Variants in TOPBP1 observed in about 807,000 individuals in gnomAD.
TOPBP1 encodes the protein DNA topoisomerase 2-binding protein 1.
Under a neutral mutation model 167.7 loss-of-function variants are expected in TOPBP1, and 28 were observed. The ratio of observed to expected loss-of-function variants is 0.17; its 90% CI spans 0.12 to 0.23. The LOEUF is 0.23. Ranked by LOEUF, TOPBP1 falls within the 10% of genes least tolerant of loss-of-function variation. The probability of loss-of-function intolerance (pLI) is 1.00; values close to 1 mark genes in which losing one functional copy is unlikely to be tolerated. For synonymous variants in TOPBP1, 598 were observed against 611.4 expected (o/e 0.98, Z 0.32); for missense variants, 1,554 against 1,809.6 (o/e 0.86, Z 2.56).
intron 16 of TOPBP1, among the ~76,000 whole-genome samples, chr3:133,627,354 C>T (rs1189725232): frequency 6.6e-6 from 1 of 152,034 alleles, no homozygotes; most frequent in African/African-American, 2.4e-5. Context: ...CCTTGTAGGG[C>T]TACTATGAGA....
Position 133,657,890 on chromosome 3 carries a change from G to A in TOPBP1, c.271C>T (p.Gln91Ter). 1 of 1,598,478 alleles carries A rather than the reference G, an allele frequency of 6.3e-7. No individual in the cohort carries two copies. The highest frequency in any genetic ancestry group is 1.1e-5 in the South Asian group (1 of 88,514). The change falls in exon 4 of 28, where the codon CAG becomes TAG. Residue 91 changes from glutamine to a stop codon, truncating the protein, a stop_gained. Coordinates refer to ENST00000260810, the MANE Select transcript of TOPBP1 (RefSeq NM_007027.4). LOFTEE classifies it high-confidence loss of function. ...TGTTCGGCTCTTGGGACACATCGCT[G>A]GTGGTGCATACAAAATATGACTACT... is the stretch of plus-strand genomic sequence containing the variant. ...PQVVIFCMHH[Q>*]RCVPRAEHPV...
At chr3:133,612,937 G>C (rs1490392016) in intron 23 of TOPBP1, among the ~76,000 whole-genome samples, 3 of 151,978 alleles carry the variant, frequency 2.0e-5, no homozygotes, top group Non-Finnish European at 4.4e-5. Flanking sequence ...GCATGATCTT[G>C]GCTCACCACA....
At chr3:133,631,443 T>C (rs1254453989) in intron 14 of TOPBP1, among the ~76,000 whole-genome samples, 2 of 152,334 alleles carry the variant, frequency 1.3e-5, no homozygotes, top group Admixed American at 1.3e-4. Context: ...CCTGCAATTA[T>C]ACTTTTCAGA....
chr3:133,618,099 A>G (rs1029738031), intron 21 of TOPBP1, 114 bp downstream of exon 21: 1 of 857,102 alleles, frequency 1.2e-6, no homozygotes, highest in Non-Finnish European at 1.8e-6. Flanking sequence ...ATATCTACGA[A>G]GTTTTTTTTG....
intron 8 of TOPBP1, among the ~76,000 whole-genome samples, chr3:133,651,439 T>C (rs2107827444): frequency 6.6e-6 from 1 of 152,138 alleles, no homozygotes; most frequent in South Asian, 2.1e-4. Flanking sequence ...TCTGCCCACC[T>C]TGGCCTCCCA....
chr3:133,622,891 A>G (rs1487283904), intron 19 of TOPBP1, among the ~76,000 whole-genome samples, 200 bp downstream of exon 19: 1 of 152,112 alleles, frequency 6.6e-6, no homozygotes, highest in Non-Finnish European at 1.5e-5. Context: ...CCACAAATCA[A>G]TCCTCTAATA....
At chr3:133,604,637 C>T (rs944546190) in intron 27 of TOPBP1, among the ~76,000 whole-genome samples, 3 of 151,694 alleles carry the variant, frequency 2.0e-5, no homozygotes, top group African/African-American at 7.3e-5. Context: ...AAGAAAACTC[C>T]AGGCCGGGTG....
intron 27 of TOPBP1, among the ~76,000 whole-genome samples, chr3:133,605,789 A>G (rs1934470878): frequency 6.6e-6 from 1 of 152,216 alleles, no homozygotes; most frequent in Admixed American, 6.5e-5. Context: ...AAGAAATAAA[A>G]GGCATAAAGA....
intron 1 of TOPBP1, among the ~76,000 whole-genome samples, chr3:133,661,545 T>C (rs1435230954): frequency 6.6e-6 from 1 of 152,246 alleles, no homozygotes. Flanking sequence ...CCAGTTAGCA[T>C]GGTCTTGGCC....
chr3:133,610,461 T>G (rs1027366911), intron 25 of TOPBP1, among the ~76,000 whole-genome samples: 1 of 152,046 alleles, frequency 6.6e-6, no homozygotes, highest in Non-Finnish European at 1.5e-5. Context: ...ACTAAAGTAC[T>G]GATGAACACA....
intron 27 of TOPBP1, among the ~76,000 whole-genome samples, chr3:133,602,471 T>G (rs1267081180): frequency 6.6e-6 from 1 of 152,212 alleles, no homozygotes; most frequent in African/African-American, 2.4e-5. Context: ...CTGGTATACA[T>G]GAGGGTAATT....
Position 133,643,982 on chromosome 3 carries a change from C to T in TOPBP1, c.1848+38G>A, listed in dbSNP as rs200682456. 7.7e-5 allele frequency: 117 copies of T among 1,523,424 alleles called. No homozygotes were observed. In the African/African-American group the frequency reaches 1.5e-3, roughly 20 times the overall value. 94.4% of individuals were successfully genotyped at this position (1,523,424 alleles called of 1,614,324 possible). A position where few individuals can be genotyped will look rare whatever the true frequency, so the allele number is the denominator to read the frequency against. ...ATTAACCTTCTTGGCATTCAGATATCCTTCGATACTTTATTTCAACCACTA... is the reference window on the plus strand; with the variant it reads ...ATTAACCTTCTTGGCATTCAGATATTCTTCGATACTTTATTTCAACCACTA... On this transcript the variant is annotated intron_variant, in intron 11 of 27. Coordinates refer to ENST00000260810, the MANE Select transcript of TOPBP1 (RefSeq NM_007027.4).
intron 22 of TOPBP1, 37 bp downstream of exon 22, chr3:133,617,123 T>A: frequency 6.4e-7 from 1 of 1,562,806 alleles, no homozygotes; most frequent in Non-Finnish European, 8.6e-7. Context: ...AACAGCAGTA[T>A]GCAAAAGCTG....
chr3:133,606,215 T>G (rs934422660), intron 27 of TOPBP1, among the ~76,000 whole-genome samples: 1 of 152,072 alleles, frequency 6.6e-6, no homozygotes, highest in African/African-American at 2.4e-5. Context: ...ATATACAAAA[T>G]TTATATTCTT....
intron 24 of TOPBP1, among the ~76,000 whole-genome samples, chr3:133,611,509 T>A (rs533905276): frequency 1.3e-5 from 2 of 152,320 alleles, no homozygotes; most frequent in African/African-American, 4.8e-5. Flanking sequence ...GATAACTTGA[T>A]TATCTGTCTA....
In TOPBP1 at chr3:133,640,641, G is replaced by A. The variant is rs578033734; in HGVS notation, c.2022-471C>T. Among the ~76,000 whole-genome samples the A allele has an allele frequency of 6.6e-5, 10 of 152,076 alleles. No individual in the cohort carries two copies. In the East Asian group the frequency reaches 1.9e-3, roughly 29 times the overall value. On this transcript the variant is annotated intron_variant, in intron 12 of 27. Transcript: ENST00000260810. ...GCCTAGCCTGGTCTCGAACTCCTGA[G>A]CTCAAGTGATCCTCCTGCCTCAGCC...
rs1444601 is a variant in TOPBP1 at position 133,611,099 on chromosome 3, G to A, written c.4078C>T (p.Leu1360=). The part of the protein sequence containing the change: ...EWGSSSILDV[L]TGINVQQRRL... ...CGTTGCTGTACATTGATTCCAGTCA[G>A]AACATCAAGTATGGAACTACTTCCC... The change falls in exon 25 of 28, where the codon CTG becomes TTG. Residue 1360 remains leucine, a synonymous_variant. Coordinates refer to ENST00000260810, the MANE Select transcript of TOPBP1 (RefSeq NM_007027.4). 0.71 allele frequency: 1,148,225 copies of A among 1,612,022 alleles called. 411,088 individuals carry two copies. Among genetic ancestry groups the A allele is most frequent in the African/African-American group, 0.78 (58,236 of 74,870 alleles).
rs1297250779 is a variant in TOPBP1, at chr3:133,624,039, A to T, written c.2928+13T>A. On this transcript the variant is annotated intron_variant, in intron 17 of 27. Coordinates refer to ENST00000260810, the MANE Select transcript of TOPBP1 (RefSeq NM_007027.4). ...CAATTAACAGAGATGGGGGGGAAAA[A>T]AGCACTGCTTACATCTAAAAGCCAG... is the stretch of plus-strand genomic sequence containing the variant. The T allele has an allele frequency of 1.9e-6, 3 of 1,606,492 alleles. No individual in the cohort carries two copies. The highest frequency in any genetic ancestry group is 2.5e-6 in the Non-Finnish European group (3 of 1,177,198).
At position 133,611,037 on chromosome 3, in the gene TOPBP1, T is replaced by A; in HGVS notation, c.4140A>T (p.Lys1380Asn). The change falls in exon 25 of 28, where the codon AAA (lysine) becomes AAT (asparagine). Residue 1380 changes from lysine (K) to asparagine (N), a missense_variant. Coordinates refer to ENST00000260810, the MANE Select transcript of TOPBP1 (RefSeq NM_007027.4). ...LALAAMRWRK[K>N]IQQRQESGIV... The stretch of plus-strand genomic sequence containing the variant: ...TGCCAGATTCTTGTCTTTGCTGGAT[T>A]TTTTTTCTCCATCTCATTGCTGCAA... The A allele has an allele frequency of 6.2e-7, 1 of 1,613,224 alleles. No individual in the cohort carries two copies. The highest frequency in any genetic ancestry group is 8.5e-7 in the Non-Finnish European group (1 of 1,179,420).
Sources: gnomAD v4.1 joint callset for allele counts (sites outside exome capture counted in the v4.1 genomes callset) on GRCh38, gnomAD v4.1.1 for gene constraint, MANE v1.5 for transcripts, NCBI Gene and HGNC (gene_info 2026-07-23, HGNC 2026-07-21) for gene names.